CPA5: variants seen among roughly 807,000 people sequenced by gnomAD.
The protein encoded by CPA5 is carboxypeptidase A5.
Under a neutral mutation model 52.2 loss-of-function variants are expected in CPA5, and 38 were observed. The ratio of observed to expected loss-of-function variants is 0.73; its 90% CI spans 0.56 to 0.95. CPA5 has a LOEUF of 0.95. Ranked by LOEUF, CPA5 falls within the 40% of genes least tolerant of loss-of-function variation. CPA5 has a pLI of 0.00. For missense variants in CPA5, 519 were observed against 566.7 expected, an observed-to-expected ratio of 0.92 and a Z score of 0.86; for synonymous variants, 198 against 213.7, an observed-to-expected ratio of 0.93 and a Z score of 0.64.
chr7:130,351,180 G>C (rs1377402027), intron 5 of CPA5, among the ~76,000 whole-genome samples: 2 of 152,122 alleles, frequency 1.3e-5, no homozygotes, highest in Non-Finnish European at 2.9e-5. Context: ...TCAACGTGTG[G>C]GGGTGGGATA....
Position 130,363,446 on chromosome 7 carries a change from AT to A in CPA5, c.776del (p.Ile259ThrfsTer48). 6.3e-7 allele frequency: 1 copy of A among 1,579,124 alleles called. No homozygotes were observed. Among genetic ancestry groups the A allele is most frequent in the South Asian group, 1.2e-5 (1 of 85,964 alleles). On this transcript the variant is annotated frameshift_variant, in exon 10 of 13. Transcript: ENST00000474905. LOFTEE classifies it high-confidence loss of function. Reference protein sequence around the residue: ...MNRLWRKNKSIRPGIFCIGVD... With the variant: ...MNRLWRKNKSXRPGIFCIGVD... ...CCGCTTATGGCGGAAGAACAAGTCC[AT>A]CAGACCTGGAATCTTCTGCATCGGC...
chr7:130,359,574 T>C lies in CPA5; in HGVS notation c.334-15T>C, dbSNP rs1554406018. ...CTCTCCCCTTCCTTTCCAATATGTGTTCCCCATCACCCAGGTGCTGCTGGA... is the reference window on the plus strand; with the variant it reads ...CTCTCCCCTTCCTTTCCAATATGTGCTCCCCATCACCCAGGTGCTGCTGGA... On this transcript the variant is annotated splice_polypyrimidine_tract_variant and intron_variant, in intron 5 of 12. Coordinates refer to ENST00000474905, the MANE Select transcript of CPA5 (RefSeq NM_080385.5). 20 of 1,550,940 alleles carry C rather than the reference T, an allele frequency of 1.3e-5. No individual in the cohort carries two copies. The highest frequency in any genetic ancestry group is 1.7e-5 in the Non-Finnish European group (20 of 1,144,966).
intron 12 of CPA5, 116 bp from the exon 13 acceptor site, chr7:130,368,294 G>A: frequency 1.0e-6 from 1 of 973,756 alleles, no homozygotes; most frequent in Non-Finnish European, 1.5e-6. Context: ...GGTGTGGCCT[G>A]GGGTGGGTGG....
intron 3 of CPA5, 125 bp from the exon 4 acceptor site, chr7:130,347,641 G>C: frequency 1.4e-6 from 1 of 721,062 alleles, no homozygotes; most frequent in South Asian, 1.7e-5. Flanking sequence ...CACTCATGCG[G>C]TGCCTCCTGG....
At chr7:130,349,599 C>T (rs147776251) in intron 4 of CPA5, among the ~76,000 whole-genome samples, 35 of 152,188 alleles carry the variant, frequency 2.3e-4, no homozygotes, top group African/African-American at 6.5e-4. Flanking sequence ...GTCTGTAACA[C>T]AAAGAATACG....
downstream of CPA5, among the ~76,000 whole-genome samples, chr7:130,371,149 G>T (rs1242775091): frequency 6.6e-6 from 1 of 152,256 alleles, no homozygotes; most frequent in African/African-American, 2.4e-5. Flanking sequence ...TGCCAAATTG[G>T]ACAAGAACTG....
At position 130,361,162 on chromosome 7, in the gene CPA5, A is replaced by G. The variant is rs1554406522; in HGVS notation, c.452A>G (p.Asn151Ser). 6.2e-7 allele frequency: 1 copy of G among 1,613,448 alleles called. No individual in the cohort carries two copies. Among genetic ancestry groups the G allele is most frequent in the Non-Finnish European group, 8.5e-7 (1 of 1,179,356 alleles). The change falls in exon 7 of 13, where the codon AAC becomes AGC. Residue 151 changes from asparagine (N) to serine (S), a missense_variant. By Grantham distance (46) the Asn-to-Ser change is conservative. Coordinates refer to ENST00000474905, the MANE Select transcript of CPA5 (RefSeq NM_080385.5). ...TTTCAGATATATAGCTGGATTGACA[A>G]CTTTGTAATGGAGCATTCCGATATT... ...TLEEIYSWID[N>S]FVMEHSDIVS...
intron 6 of CPA5, 49 bp from the exon 7 acceptor site, chr7:130,361,094 A>T (rs1795765177): frequency 2.5e-6 from 3 of 1,184,712 alleles, no homozygotes; most frequent in South Asian, 2.5e-5. Context: ...CCCAGTGTTC[A>T]TCCCTCTTCC....
intron 5 of CPA5, among the ~76,000 whole-genome samples, chr7:130,357,154 A>G (rs1371479346): frequency 2.0e-5 from 3 of 152,196 alleles, no homozygotes; most frequent in Non-Finnish European, 4.4e-5. Context: ...TTGGTGCTCA[A>G]AAATAAAGTG....
chr7:130,350,630 G>A (rs1055046916), intron 5 of CPA5, among the ~76,000 whole-genome samples: 3 of 152,156 alleles, frequency 2.0e-5, no homozygotes, highest in African/African-American at 4.8e-5. Context: ...TTGGCTCTCC[G>A]CACGGGGCAT....
At chr7:130,350,412 T>A (rs1487540307) in intron 5 of CPA5, among the ~76,000 whole-genome samples, 1 of 152,128 alleles carries the variant, frequency 6.6e-6, no homozygotes, top group Non-Finnish European at 1.5e-5. Context: ...GACAGGAGGA[T>A]GTAGCTGGGG....
chr7:130,356,765 A>AATTTTT (rs1795498581), intron 5 of CPA5, among the ~76,000 whole-genome samples: 1 of 151,828 alleles, frequency 6.6e-6, no homozygotes, highest in Admixed American at 6.6e-5. Context: ...TGAGTCTTCT[A>AATTTTT]GTCCTTTCTT....
At chr7:130,357,290 G>A (rs1197571641) in intron 5 of CPA5, among the ~76,000 whole-genome samples, 1 of 152,148 alleles carries the variant, frequency 6.6e-6, no homozygotes, top group African/African-American at 2.4e-5. Context: ...GGTGGGGCGG[G>A]GAGGGACACC....
chr7:130,364,949 G>A (rs980699540), intron 10 of CPA5, among the ~76,000 whole-genome samples: 13 of 152,204 alleles, frequency 8.5e-5, no homozygotes, highest in Admixed American at 2.6e-4. Flanking sequence ...CACAGCCCTC[G>A]GCCCCCAGAC....
rs781853455 is a variant in CPA5, at chr7:130,346,485, C to T, written c.-1C>T. The T allele has an allele frequency of 8.0e-5, 128 of 1,608,594 alleles. No individual in the cohort carries two copies. The Admixed American group carries it at 2.1e-3, about 27-fold the overall frequency. ...CCTGAAGCTCACCAGGAGGAAGAAG[C>T]ATGCAGGGCACCCCTGGAGGCGGGA... On this transcript the variant is annotated 5_prime_UTR_variant, in exon 3 of 13. Transcript: ENST00000474905.
At chr7:130,366,935 C>T (rs547592859) in intron 10 of CPA5, among the ~76,000 whole-genome samples, 27 of 152,300 alleles carry the variant, frequency 1.8e-4, no homozygotes, top group Admixed American at 1.1e-3. Flanking sequence ...GGGTATGGTG[C>T]GGCTGCAGTC....
At chr7:130,369,678 TGTGTGTGTCC>T (rs1264701253), downstream of CPA5, among the ~76,000 whole-genome samples, 1 of 151,900 alleles carries the variant, frequency 6.6e-6, no homozygotes, top group Non-Finnish European at 1.5e-5. Flanking sequence ...TGCATGTGCG[TGTGTGTGTCC>T]GTGTGTGTGT....
intron 3 of CPA5, 99 bp downstream of exon 3, chr7:130,346,700 G>A (rs971891259): frequency 1.3e-5 from 12 of 909,480 alleles, no homozygotes; most frequent in African/African-American, 3.2e-5. Context: ...TGATCAAGGC[G>A]GAGAGTCAGG....
At chr7:130,363,370 C>A in intron 9 of CPA5, 49 bp from the exon 10 acceptor site, 1 of 1,484,080 alleles carries the variant, frequency 6.7e-7, no homozygotes, top group Non-Finnish European at 9.2e-7. Context: ...GGCTCCCATC[C>A]CTGGGAATGG....
Sources: gnomAD v4.1 joint callset for allele counts (sites outside exome capture counted in the v4.1 genomes callset) on GRCh38, gnomAD v4.1.1 for gene constraint, MANE v1.5 for transcripts, NCBI Gene and HGNC (gene_info 2026-07-23, HGNC 2026-07-21) for gene names.